Variants in CRTC1 observed in about 807,000 individuals in gnomAD.
The protein encoded by CRTC1 is CREB-regulated transcription coactivator 1.
In CRTC1, 18 loss-of-function variants were observed where a neutral mutation model predicts 66.1. The observed-to-expected ratio is 0.27, with a 90% CI of 0.19 to 0.40. The LOEUF (loss-of-function observed/expected upper bound fraction) is 0.40, where lower values mean the gene tolerates loss of function less well. Among genes scored for constraint, CRTC1 ranks in the 10% least tolerant of loss-of-function variants. The pLI is 1.00. For synonymous variants in CRTC1, 416 were observed against 398.8 expected (o/e 1.04, Z -0.51); for missense variants, 669 against 887.9 (o/e 0.75, Z 3.13).
chr19:18,687,525 A>C (rs1232737341), intron 1 of CRTC1, among the ~76,000 whole-genome samples: 1 of 152,142 alleles, frequency 6.6e-6, no homozygotes, highest in African/African-American at 2.4e-5. Context: ...CCGTGCCTGG[A>C]GCAGGTGAAT....
At position 18,685,892 on chromosome 19, in the gene CRTC1, A is replaced by C. The variant is rs151134086; in HGVS notation, c.126+2064A>C. ...CCAGTTTCTGCGTGGGATTGGAAAT[A>C]GATTATTGTTGTTGAAAACATCTCT... On this transcript the variant is annotated intron_variant, in intron 1 of 13. Transcript: ENST00000321949. Among the ~76,000 whole-genome samples the C allele has an allele frequency of 7.2e-5, 11 of 152,312 alleles. No individual in the cohort carries two copies. In the East Asian group the frequency reaches 2.1e-3, roughly 29 times the overall value.
At position 18,777,086 on chromosome 19, in the gene CRTC1, CG is replaced by C; in HGVS notation, c.1694-83del. 1 of 775,088 alleles carries C rather than the reference CG, an allele frequency of 1.3e-6. No individual in the cohort carries two copies. The highest frequency in any genetic ancestry group is 2.2e-6 in the Non-Finnish European group (1 of 451,672). 48.0% of individuals were successfully genotyped at this position (775,088 alleles called of 1,614,324 possible). A position where few individuals can be genotyped will look rare whatever the true frequency, so the allele number is the denominator to read the frequency against. On this transcript the variant is annotated intron_variant, in intron 13 of 13. Transcript: ENST00000321949. This position sits in a 1 kb window ranked among gnomAD's most constrained non-coding sequence, Gnocchi z 5.5. The stretch of plus-strand genomic sequence containing the variant: ...AGCATACCCAGGGGACAGAGTCGCC[CG>C]GCGGGCATGCCTGGTCCGACACATG...
chr19:18,713,008 C>G (rs1051866964), intron 1 of CRTC1, among the ~76,000 whole-genome samples: 2 of 151,802 alleles, frequency 1.3e-5, no homozygotes, highest in African/African-American at 2.4e-5. Flanking sequence ...AGTTACTCCC[C>G]GTTCCCCTCC....
chr19:18,720,119 A>G (rs973988676), intron 1 of CRTC1, among the ~76,000 whole-genome samples: 1 of 152,212 alleles, frequency 6.6e-6, no homozygotes, highest in African/African-American at 2.4e-5. Flanking sequence ...GTGTGCACCA[A>G]GAGATGTGTT....
At chr19:18,775,501 T>A in intron 12 of CRTC1, 140 bp from the exon 13 acceptor site, 1 of 754,370 alleles carries the variant, frequency 1.3e-6, no homozygotes. Flanking sequence ...GGGTTCGTGC[T>A]TGGCAGCCTG....
intron 2 of CRTC1, among the ~76,000 whole-genome samples, chr19:18,743,317 G>A (rs1258783972): frequency 6.6e-6 from 1 of 152,240 alleles, no homozygotes; most frequent in African/African-American, 2.4e-5. Context: ...GGAACCGCTC[G>A]GGGCCACTGG....
At chr19:18,756,741 T>C (rs2054497888) in intron 6 of CRTC1, among the ~76,000 whole-genome samples, 1 of 152,144 alleles carries the variant, frequency 6.6e-6, no homozygotes, top group African/African-American at 2.4e-5. Context: ...AAAAGGAAGA[T>C]GGCGACAGTC....
intron 1 of CRTC1, among the ~76,000 whole-genome samples, chr19:18,689,027 C>T (rs1600739467): frequency 6.6e-6 from 1 of 152,102 alleles, no homozygotes; most frequent in Non-Finnish European, 1.5e-5. Context: ...CTCACTACAA[C>T]CTCTGCCTCC....
chr19:18,764,271 C>T (rs2054679581), intron 8 of CRTC1, among the ~76,000 whole-genome samples: 4 of 152,242 alleles, frequency 2.6e-5, no homozygotes, highest in Admixed American at 2.6e-4. Context: ...TTCACCCCCG[C>T]CTTGACTGCA....
chr19:18,687,214 A>G (rs551799747), intron 1 of CRTC1, among the ~76,000 whole-genome samples: 23 of 151,992 alleles, frequency 1.5e-4, no homozygotes, highest in Admixed American at 1.2e-3. Flanking sequence ...TGGGGTTTGT[A>G]GTAGAGACCA....
intron 1 of CRTC1, among the ~76,000 whole-genome samples, chr19:18,690,725 C>T (rs2052809332): frequency 6.6e-6 from 1 of 152,022 alleles, no homozygotes; most frequent in Non-Finnish European, 1.5e-5. Flanking sequence ...GACTGGTATC[C>T]TTATGAAGAG....
Position 18,761,174 on chromosome 19 carries a change from C to G in CRTC1, c.886+946C>G, listed in dbSNP as rs371929387. ...CCCTGCCCTGGTCAGAGCTAGTCCC[C>G]TTGGCAAGGCCGTCCCGGCCCTGGC... On this transcript the variant is annotated intron_variant, in intron 8 of 13. Coordinates refer to ENST00000321949, the MANE Select transcript of CRTC1 (RefSeq NM_015321.3). Among the ~76,000 whole-genome samples, 7 of 152,376 alleles carry G rather than the reference C, an allele frequency of 4.6e-5. No individual in the cohort carries two copies. In the East Asian group the frequency reaches 1.4e-3, roughly 29 times the overall value.
intron 2 of CRTC1, 48 bp downstream of exon 2, chr19:18,743,074 C>T (rs2054146285): frequency 7.1e-7 from 1 of 1,417,442 alleles, no homozygotes; most frequent in Non-Finnish European, 1.0e-6. Context: ...GAGCTTCCCC[C>T]AGCCTCCCAC....
chr19:18,759,956 G>GCCAGCCTCCTGTCCCCGCCA, intron 7 of CRTC1, 52 bp from the exon 8 acceptor site: 2 of 1,221,320 alleles, frequency 1.6e-6, no homozygotes, highest in Non-Finnish European at 1.2e-6. Flanking sequence ...TGTCCCCGCC[G>GCCAGCCTCCTGTCCCCGCCA]CCAGCCCCGC....
chr19:18,718,823 T>C (rs1454713858), intron 1 of CRTC1, among the ~76,000 whole-genome samples: 1 of 152,196 alleles, frequency 6.6e-6, no homozygotes, highest in Non-Finnish European at 1.5e-5. Context: ...TGGGATTGCT[T>C]GGTCATAACA....
intron 10 of CRTC1, among the ~76,000 whole-genome samples, chr19:18,770,962 ATG>A (rs1415731516): frequency 7.1e-6 from 1 of 140,674 alleles, no homozygotes; most frequent in Non-Finnish European, 1.5e-5. Flanking sequence ...GGGTGTGAGT[ATG>A]CGTGTGTGTG....
intron 6 of CRTC1, among the ~76,000 whole-genome samples, chr19:18,755,145 C>A (rs994901686): frequency 8.6e-5 from 13 of 151,624 alleles, no homozygotes; most frequent in African/African-American, 2.9e-4. Flanking sequence ...TGTGCCACCA[C>A]ACCTGGCTAA....
chr19:18,684,112 G>A (rs925358012), intron 1 of CRTC1, among the ~76,000 whole-genome samples: 1 of 151,996 alleles, frequency 6.6e-6, no homozygotes, highest in Admixed American at 6.5e-5. Flanking sequence ...TACTAGGAGG[G>A]AACAGGTGCT....
intron 1 of CRTC1, among the ~76,000 whole-genome samples, chr19:18,712,947 A>G (rs1427024472): frequency 2.0e-5 from 3 of 151,446 alleles, no homozygotes; most frequent in African/African-American, 7.3e-5. Flanking sequence ...GTGACGGAGC[A>G]AGACTGTCTC....
Sources: allele counts gnomAD v4.1 joint callset (sites outside exome capture counted in the v4.1 genomes callset), GRCh38; gene constraint gnomAD v4.1.1; non-coding constraint Gnocchi (gnomAD v3.1); transcripts MANE v1.5; gene names NCBI Gene and HGNC (gene_info 2026-07-23, HGNC 2026-07-21).